GPR155: variants seen among roughly 807,000 people sequenced by gnomAD.
GPR155 encodes the protein lysosomal cholesterol signaling protein.
A neutral mutation model predicts 93.1 loss-of-function variants in GPR155; 65 were observed. That is an observed-to-expected ratio of 0.70 (90% CI 0.57 to 0.86). GPR155 has a LOEUF of 0.86. Ranked by LOEUF, GPR155 falls within the 40% of genes least tolerant of loss-of-function variation. The pLI is 0.00. For missense variants in GPR155, 838 were observed against 1,034.8 expected, an observed-to-expected ratio of 0.81 and a Z score of 2.61; for synonymous variants, 319 against 360.1, an observed-to-expected ratio of 0.89 and a Z score of 1.29.
rs991680774 is a variant in GPR155 at position 174,464,073 on chromosome 2, G to T, written c.1384+1712C>A. Among the ~76,000 whole-genome samples the T allele has an allele frequency of 4.6e-5, 7 of 152,158 alleles. No individual in the cohort carries two copies. In the South Asian group the frequency reaches 1.2e-3, roughly 27 times the overall value. On this transcript the variant is annotated intron_variant, in intron 7 of 15. Transcript: ENST00000392552. ...GTGCATCACTCCTGCCTTGTGAAAA[G>T]AACTATATACAAACAGGCAGAATCC...
intron 1 of GPR155, among the ~76,000 whole-genome samples, chr2:174,486,539 T>A (rs934235278): frequency 2.0e-5 from 3 of 152,196 alleles, no homozygotes; most frequent in African/African-American, 7.2e-5. Flanking sequence ...GGCCAGATAC[T>A]GAGGGTACCC....
Position 174,446,709 on chromosome 2 carries a change from T to C in GPR155, c.1915A>G (p.Ile639Val). Reference protein sequence around the residue: ...CVSRCNSQSCILAQEEEQYLQ... With the variant: ...CVSRCNSQSCVLAQEEEQYLQ... ...TACTGTTCTTCTTCCTGGGCTAATATGCAGCTCTGGGAGTTACAGCGACTC... is the reference window on the plus strand; with the variant it reads ...TACTGTTCTTCTTCCTGGGCTAATACGCAGCTCTGGGAGTTACAGCGACTC... Residue 639 changes from isoleucine (I) to valine (V), a missense_variant, in exon 12 of 16, where the codon ATA becomes GTA. Ile to Val is a conservative substitution (Grantham distance 29). This residue lies in a region of GPR155 where 663 missense variants were observed against 790.1 expected (regional missense o/e 0.84). Transcript: ENST00000392552. The C allele has an allele frequency of 6.2e-7, 1 of 1,613,856 alleles. No homozygotes were observed. Among genetic ancestry groups the C allele is most frequent in the Non-Finnish European group, 8.5e-7 (1 of 1,179,704 alleles).
Position 174,435,830 on chromosome 2 carries a change from C to T in GPR155, c.*286G>A. 2 of 302,190 alleles carry T rather than the reference C, an allele frequency of 6.6e-6. No individual in the cohort carries two copies. The highest frequency in any genetic ancestry group is 1.2e-5 in the Non-Finnish European group (2 of 162,326). 18.7% of individuals were successfully genotyped at this position (302,190 alleles called of 1,614,324 possible). A position where few individuals can be genotyped will look rare whatever the true frequency, so the allele number is the denominator to read the frequency against. ...CTCAGATTTTGGGATCTTCAGGAGT[C>T]CTGGAACCAATCCCCTTGGATACTA... On this transcript the variant is annotated 3_prime_UTR_variant, in exon 16 of 16. Transcript: ENST00000392552.
rs1163030646 is a variant in GPR155 at position 174,467,860 on chromosome 2, C to A, written c.1182+1052G>T. Among the ~76,000 whole-genome samples the A allele has an allele frequency of 3.3e-5, 5 of 152,050 alleles. No homozygotes were observed. In the South Asian group the frequency reaches 8.3e-4, roughly 25 times the overall value. The stretch of plus-strand genomic sequence containing the variant: ...AAGTGACTCTTGTGCCTCCAGCCAC[C>A]CAGGTAGCTGGGATTACAGATGCAT... On this transcript the variant is annotated intron_variant, in intron 5 of 15. Coordinates refer to ENST00000392552, the MANE Select transcript of GPR155 (RefSeq NM_152529.7).
chr2:174,475,243 C>T (rs1688126498), intron 2 of GPR155, among the ~76,000 whole-genome samples: 1 of 126,576 alleles, frequency 7.9e-6, no homozygotes, highest in East Asian at 2.3e-4. Context: ...TGCAGTGAGC[C>T]GAGATCCCGC....
chr2:174,463,212 A>C (rs1483919006), intron 7 of GPR155, among the ~76,000 whole-genome samples: 1 of 144,332 alleles, frequency 6.9e-6, no homozygotes, highest in African/African-American at 2.6e-5. Flanking sequence ...CATTGGGTTT[A>C]TTTTTATTTT....
intron 5 of GPR155, 127 bp downstream of exon 5, chr2:174,468,785 A>AT: frequency 1.2e-6 from 1 of 827,112 alleles, no homozygotes; most frequent in East Asian, 2.5e-5. Flanking sequence ...CTGACATTAT[A>AT]TTTTATGGGC....
rs144852180 is a variant in GPR155 at position 174,478,037 on chromosome 2, C to T, written c.460+3460G>A. Among the ~76,000 whole-genome samples, 689 of 152,286 alleles carry T rather than the reference C, an allele frequency of 4.5e-3. 10 individuals are homozygous for T. The highest frequency in any genetic ancestry group is 0.016 in the African/African-American group (671 of 41,550). ...ACCATAATTATGATTAGTCAGAGTA[C>T]TTATGCTATCAGCATTGTTTGAAGA... On this transcript the variant is annotated intron_variant, in intron 2 of 15. Coordinates refer to ENST00000392552, the MANE Select transcript of GPR155 (RefSeq NM_152529.7).
At chr2:174,454,731 GGGAAGGAAGGAAAAGGAAGGAAGGGAGA>G (rs1559105701) in intron 10 of GPR155, among the ~76,000 whole-genome samples, 47 of 121,458 alleles carry the variant, frequency 3.9e-4, no homozygotes, top group African/African-American at 2.3e-3. Context: ...AGAAAGGGAA[GGGAAGGAAGGAAAAGGAAGGAAGGGAGA>G]GGAAGGAAGG....
At chr2:174,452,009 A>C (rs1301357728) in intron 11 of GPR155, among the ~76,000 whole-genome samples, 3 of 152,190 alleles carry the variant, frequency 2.0e-5, no homozygotes, top group African/African-American at 7.2e-5. Context: ...AGATTTGGGG[A>C]GGGAAAAAGA....
intron 11 of GPR155, among the ~76,000 whole-genome samples, chr2:174,450,647 G>A (rs999212998): frequency 1.3e-5 from 2 of 152,086 alleles, no homozygotes; most frequent in Non-Finnish European, 2.9e-5. Flanking sequence ...TTCTACCTTA[G>A]CTCCATTCTA....
Position 174,432,575 on chromosome 2 carries a change from C to T in GPR155, c.*3541G>A, listed in dbSNP as rs889399181. 1.3e-5 allele frequency: 2 copies of T among 152,026 alleles called. No homozygotes were observed. The highest frequency in any genetic ancestry group is 4.8e-5 in the African/African-American group (2 of 41,386). 9.4% of individuals were successfully genotyped at this position (152,026 alleles called of 1,614,324 possible). The stretch of plus-strand genomic sequence containing the variant: ...AAATCTCCTGGTAACAGCAATGAGG[C>T]CTTAGACTTACCCTTGAGCATTCAG... On this transcript the variant is annotated 3_prime_UTR_variant, in exon 16 of 16. Coordinates refer to ENST00000392552, the MANE Select transcript of GPR155 (RefSeq NM_152529.7).
At chr2:174,483,397 T>C (rs373934504) in intron 1 of GPR155, among the ~76,000 whole-genome samples, 64 of 152,196 alleles carry the variant, frequency 4.2e-4, no homozygotes, top group African/African-American at 1.5e-3. Flanking sequence ...ATACAAAATG[T>C]TTTGTAAAAT....
intron 15 of GPR155, among the ~76,000 whole-genome samples, chr2:174,438,325 A>C (rs1686852386): frequency 6.6e-6 from 1 of 152,182 alleles, no homozygotes; most frequent in Admixed American, 6.5e-5. Context: ...GGAAAGGGGC[A>C]GGAAACAGGC....
intron 13 of GPR155, among the ~76,000 whole-genome samples, chr2:174,443,037 T>A (rs1357256925): frequency 1.3e-5 from 2 of 152,204 alleles, no homozygotes. Flanking sequence ...CAGTCCCAGT[T>A]CTGGATAGCT....
chr2:174,481,787 T>A lies in GPR155; in HGVS notation c.170A>T (p.Tyr57Phe), dbSNP rs1288547397. 6.2e-7 allele frequency: 1 copy of A among 1,614,220 alleles called. No individual in the cohort carries two copies. The highest frequency in any genetic ancestry group is 1.7e-5 in the Admixed American group (1 of 60,032). The change falls in exon 2 of 16, where the codon TAC (tyrosine) becomes TTC (phenylalanine). Residue 57 changes from tyrosine to phenylalanine, a missense_variant. Around this residue, in one of 3 missense-constraint regions of GPR155, gnomAD observed 663 missense variants for 790.1 expected, o/e 0.84. Transcript: ENST00000392552. ...LECFGIVLCGYIAGRANVITS... is the reference protein window; with the variant it reads ...LECFGIVLCGFIAGRANVITS... ...TATGACATTGGCCCTTCCTGCTATG[T>A]AGCCACAAAGGACAATGCCAAAGCA...
rs747339680 is a variant in GPR155, at chr2:174,473,078, T to C, written c.747A>G (p.Gly249=). 1.9e-6 allele frequency: 3 copies of C among 1,600,764 alleles called. No homozygotes were observed. The highest frequency in any genetic ancestry group is 2.5e-6 in the Non-Finnish European group (3 of 1,177,104). Residue 249 remains glycine (G), a synonymous_variant, in exon 3 of 16, where the codon GGA becomes GGG. Transcript: ENST00000392552. Reference sequence around the variant, plus strand: ...ATAGGGCTGATCCAGAAAAAGAATTTCCAAGTCCATCAAGAAAATTTTCGA... The same window carrying C: ...ATAGGGCTGATCCAGAAAAAGAATTCCCAAGTCCATCAAGAAAATTTTCGA... The part of the protein sequence containing the change: ...VYVENFLDGL[G]NSFSGSALFY...
chr2:174,438,554 C>T (rs1295956386), intron 15 of GPR155, among the ~76,000 whole-genome samples: 1 of 152,002 alleles, frequency 6.6e-6, no homozygotes, highest in Non-Finnish European at 1.5e-5. Flanking sequence ...TGTTGCCCAG[C>T]CAGAGTGCAG....
At chr2:174,461,006 A>G (rs1386335155) in intron 9 of GPR155, among the ~76,000 whole-genome samples, 1 of 151,878 alleles carries the variant, frequency 6.6e-6, no homozygotes, top group African/African-American at 2.4e-5. Flanking sequence ...CCTACTCTAT[A>G]GCTTTTCAAG....
Sources: allele counts gnomAD v4.1 joint callset (sites outside exome capture counted in the v4.1 genomes callset), GRCh38; gene constraint gnomAD v4.1.1; regional missense constraint gnomAD v4.1.1; transcripts MANE v1.5; gene names NCBI Gene and HGNC (gene_info 2026-07-23, HGNC 2026-07-21).